Variants in COL12A1 observed in about 807,000 individuals in gnomAD.
COL12A1 encodes the protein collagen type XII alpha 1 chain.
COL12A1 carries 114 observed loss-of-function variants against 349.7 expected under a neutral mutation model. The observed-to-expected ratio is 0.33, with a 90% CI of 0.28 to 0.38. The LOEUF (loss-of-function observed/expected upper bound fraction) is 0.38, where lower values mean the gene tolerates loss of function less well. Ranked by LOEUF, COL12A1 falls within the 10% of genes least tolerant of loss-of-function variation. The probability of loss-of-function intolerance (pLI) is 1.00; values close to 1 mark genes in which losing one functional copy is unlikely to be tolerated. For missense variants in COL12A1, 3,284 were observed against 3,756.9 expected (o/e 0.87, Z 3.29); for synonymous variants, 1,369 against 1,329.0 (o/e 1.03, Z -0.66).
intron 2 of COL12A1, among the ~76,000 whole-genome samples, chr6:75,196,523 T>A (rs1770234367): frequency 6.6e-6 from 1 of 152,234 alleles, no homozygotes; most frequent in Non-Finnish European, 1.5e-5. Flanking sequence ...GAATGTTATA[T>A]TCTTACTATC....
chr6:75,091,585 A>C, intron 60 of COL12A1, 60 bp from the exon 61 acceptor site: 1 of 1,479,718 alleles, frequency 6.8e-7, no homozygotes, highest in Non-Finnish European at 9.4e-7. Context: ...ATGATGCATG[A>C]ATAGACATAA....
intron 44 of COL12A1, 149 bp from the exon 45 acceptor site, chr6:75,119,622 A>G: frequency 1.3e-6 from 1 of 753,400 alleles, no homozygotes; most frequent in Non-Finnish European, 2.0e-6. Context: ...TATAGCTAAT[A>G]TTACAACATC....
At chr6:75,154,305 T>C (rs1194678354) in intron 17 of COL12A1, 111 bp downstream of exon 17, 7 of 1,251,356 alleles carry the variant, frequency 5.6e-6, no homozygotes, top group Non-Finnish European at 5.3e-6. Flanking sequence ...TTGAAATAAA[T>C]TTTAGTGTAA....
chr6:75,124,171 A>C, intron 41 of COL12A1, 77 bp from the exon 42 acceptor site: 2 of 1,595,882 alleles, frequency 1.3e-6, no homozygotes, highest in South Asian at 2.2e-5. Flanking sequence ...GCATTGTTAT[A>C]AACAAAATGG....
intron 12 of COL12A1, among the ~76,000 whole-genome samples, chr6:75,176,932 A>G (rs1046857215): frequency 2.6e-5 from 4 of 152,210 alleles, no homozygotes; most frequent in African/African-American, 9.6e-5. Flanking sequence ...TAATTTCAAC[A>G]AACATCAGAA....
At chr6:75,096,768 C>T (rs1011518583) in intron 59 of COL12A1, among the ~76,000 whole-genome samples, 12 of 150,836 alleles carry the variant, frequency 8.0e-5, no homozygotes, top group African/African-American at 2.4e-4. Flanking sequence ...TAGTGGCGGG[C>T]GCCTGTAGTC....
chr6:75,198,701 A>G (rs1310661681), intron 2 of COL12A1, among the ~76,000 whole-genome samples: 1 of 152,166 alleles, frequency 6.6e-6, no homozygotes, highest in Non-Finnish European at 1.5e-5. Flanking sequence ...CACTGCAGAG[A>G]TGAATGAAGG....
chr6:75,150,384 A>G (rs1482398696), intron 21 of COL12A1, among the ~76,000 whole-genome samples: 1 of 152,148 alleles, frequency 6.6e-6, no homozygotes, highest in East Asian at 1.9e-4. Flanking sequence ...TACTTTTTTA[A>G]TACCCCTAAA....
Position 75,097,816 on chromosome 6 carries a change from C to T in COL12A1, c.8524-510G>A, listed in dbSNP as rs116634646. On this transcript the variant is annotated intron_variant, in intron 58 of 65. Coordinates refer to ENST00000322507, the MANE Select transcript of COL12A1 (RefSeq NM_004370.6). ...CTTCCTTTGTCTGCTGGGAATTGGA[C>T]TCTCAGCTTAGAAATTCATTTTTCC... 4.5e-3 allele frequency among the ~76,000 whole-genome samples: 692 copies of T among 152,292 alleles called. 2 individuals carry two copies. Among genetic ancestry groups the T allele is most frequent in the African/African-American group, 0.015 (618 of 41,556 alleles).
rs1287770743 is a variant in COL12A1, at chr6:75,182,952, G to A, written c.1891+98C>T. Reference sequence around the variant, plus strand: ...TAACATAGGAAAGTTACTTTTTCGTGTCTATAAGAAGAATTGAACAAGCAT... The same window carrying A: ...TAACATAGGAAAGTTACTTTTTCGTATCTATAAGAAGAATTGAACAAGCAT... On this transcript the variant is annotated intron_variant, in intron 10 of 65. Transcript: ENST00000322507. 8 of 1,405,612 alleles carry A rather than the reference G, an allele frequency of 5.7e-6. No individual in the cohort carries two copies. The African/African-American group carries it at 8.6e-5, about 15-fold the overall frequency. The allele number at this position is 1,405,612 out of a possible 1,614,324, so 87.1% of individuals were successfully genotyped here.
At position 75,095,127 on chromosome 6, in the gene COL12A1, G is replaced by T. The variant is rs1292131568; in HGVS notation, c.8630C>A (p.Pro2877His). The T allele has an allele frequency of 6.2e-7, 1 of 1,613,984 alleles. No homozygotes were observed. The highest frequency in any genetic ancestry group is 1.3e-5 in the African/African-American group (1 of 74,920). The part of the protein sequence containing the change: ...VTGPSGKPGK[P>H]GDHGRPGPSG... Reference sequence around the variant, plus strand: ...GCTTACTGGTCTGCCATGATCTCCAGGTTTTCCTGGCTTCCCACTTGGTCC... The same window carrying T: ...GCTTACTGGTCTGCCATGATCTCCATGTTTTCCTGGCTTCCCACTTGGTCC... The change falls in exon 60 of 66, where the codon CCT (proline) becomes CAT (histidine). Residue 2877 changes from proline to histidine, a missense_variant. By Grantham distance (77) the Pro-to-His change is moderately conservative. Around this residue, in one of 2 missense-constraint regions of COL12A1, gnomAD observed 683 missense variants for 932.1 expected, o/e 0.73. Transcript: ENST00000322507.
chr6:75,146,189 A>G lies in COL12A1; in HGVS notation c.4473T>C (p.His1491=), dbSNP rs1435976004. Residue 1491 remains histidine (H), a synonymous_variant, in exon 24 of 66, where the codon CAT becomes CAC. Transcript: ENST00000322507. ...CTCCTCCCACAGGCTGCCACTGCAC[A>G]TGCATGGTGGTAGGGCCAACATCAT... ...NIYDVGPTTM[H]VQWQPVGGAT... is the part of the protein sequence containing the mutation. 2.5e-6 allele frequency: 4 copies of G among 1,613,582 alleles called. No individual in the cohort carries two copies. In the South Asian group the frequency reaches 4.4e-5, roughly 18 times the overall value.
chr6:75,141,344 A>G (rs1367266697), intron 27 of COL12A1, among the ~76,000 whole-genome samples: 1 of 152,210 alleles, frequency 6.6e-6, no homozygotes, highest in African/African-American at 2.4e-5. Flanking sequence ...TCCATAGCAA[A>G]AGACCAACAG....
Position 75,144,735 on chromosome 6 carries a change from C to T in COL12A1, c.4690+591G>A, listed in dbSNP as rs1582126216. On this transcript the variant is annotated intron_variant, in intron 25 of 65. Coordinates refer to ENST00000322507, the MANE Select transcript of COL12A1 (RefSeq NM_004370.6). ...CAGGAAGGAGTCCATATGGTCTATA[C>T]TGCTTTGTATAATTTCACAGTGGTA... Among the ~76,000 whole-genome samples, 4 of 152,202 alleles carry T rather than the reference C, an allele frequency of 2.6e-5. No individual in the cohort carries two copies. The South Asian group carries it at 8.3e-4, about 32-fold the overall frequency.
At chr6:75,157,046 T>G (rs1398141703) in intron 14 of COL12A1, among the ~76,000 whole-genome samples, 9 of 152,188 alleles carry the variant, frequency 5.9e-5, no homozygotes, top group African/African-American at 2.2e-4. Context: ...AAACTAACAC[T>G]TCAAAATATC....
intron 31 of COL12A1, 120 bp from the exon 32 acceptor site, chr6:75,134,975 TACC>T: frequency 2.9e-6 from 3 of 1,049,454 alleles, no homozygotes; most frequent in African/African-American, 1.6e-5. Context: ...CAGAATTACA[TACC>T]ACAGTCAAGG....
In COL12A1 at chr6:75,177,793, G is replaced by A; in HGVS notation, c.2307C>T (p.Thr769=). 6.2e-7 allele frequency: 1 copy of A among 1,614,022 alleles called. No individual in the cohort carries two copies. The highest frequency in any genetic ancestry group is 1.1e-5 in the South Asian group (1 of 91,082). Residue 769 remains threonine (T), a synonymous_variant, in exon 12 of 66, where the codon ACC becomes ACT. Coordinates refer to ENST00000322507, the MANE Select transcript of COL12A1 (RefSeq NM_004370.6). ...PVAGGESREV[T]TPPNQRRRTL... ...TTCTCCTCCTCTGATTGGGTGGGGT[G>A]GTAACTTCTCTGCTCTCTCCACCAG...
At chr6:75,198,370 C>T (rs171266) in intron 2 of COL12A1, among the ~76,000 whole-genome samples, 3,580 of 151,320 alleles carry the variant, frequency 0.024, 157 homozygotes, top group African/African-American at 0.081. Flanking sequence ...TTAATATATA[C>T]CTATATTTGT....
At chr6:75,101,835 G>T in intron 57 of COL12A1, 164 bp downstream of exon 57, 1 of 968,880 alleles carries the variant, frequency 1.0e-6, no homozygotes, top group Non-Finnish European at 1.6e-6. Flanking sequence ...TACCTGAATT[G>T]AATAGCACCA....
Sources: gnomAD v4.1 joint callset for allele counts (sites outside exome capture counted in the v4.1 genomes callset) on GRCh38, gnomAD v4.1.1 for gene constraint, gnomAD v4.1.1 regional missense constraint, MANE v1.5 for transcripts, NCBI Gene and HGNC (gene_info 2026-07-23, HGNC 2026-07-21) for gene names.